The following ITPK1 variants were observed in gnomAD, a reference collection of about 807,000 sequenced individuals.
The protein encoded by ITPK1 is inositol-tetrakisphosphate 1-kinase.
Under a neutral mutation model 45.3 loss-of-function variants are expected in ITPK1, and 21 were observed. The ratio of observed to expected loss-of-function variants is 0.46; its 90% CI spans 0.33 to 0.67. The LOEUF (loss-of-function observed/expected upper bound fraction) is 0.67. Among genes scored for constraint, ITPK1 ranks in the 30% least tolerant of loss-of-function variants. The pLI is 0.02. For missense variants in ITPK1, 474 were observed against 573.5 expected (o/e 0.83, Z 1.77); for synonymous variants, 258 against 253.6 (o/e 1.02, Z -0.16).
At chr14:93,097,188 C>T (rs1425333712) in intron 2 of ITPK1, among the ~76,000 whole-genome samples, 1 of 152,210 alleles carries the variant, frequency 6.6e-6, no homozygotes, top group Non-Finnish European at 1.5e-5. Flanking sequence ...CAGACATGTT[C>T]CCAGGGCTTG....
chr14:93,049,544 G>A (rs1250080588), intron 3 of ITPK1, among the ~76,000 whole-genome samples: 9 of 152,136 alleles, frequency 5.9e-5, no homozygotes, highest in Non-Finnish European at 1.2e-4. Flanking sequence ...CCATTCTCCA[G>A]GGCTTAGACT....
rs76264559 is a variant in ITPK1 at position 93,047,819 on chromosome 14, G to A, written c.120+28776C>T. Among the ~76,000 whole-genome samples the A allele has an allele frequency of 6.6e-5, 10 of 152,358 alleles. No individual in the cohort carries two copies. In the South Asian group the frequency reaches 8.3e-4, roughly 13 times the overall value. ...AGAGCCAGCCAGCACCAGCCAGCCCGACATCTGCTTCCTGCAGGGCTGTTA... is the reference window on the plus strand; with the variant it reads ...AGAGCCAGCCAGCACCAGCCAGCCCAACATCTGCTTCCTGCAGGGCTGTTA... On this transcript the variant is annotated intron_variant, in intron 3 of 10. Coordinates refer to ENST00000267615, the MANE Select transcript of ITPK1 (RefSeq NM_014216.6).
chr14:93,115,845 G>A lies in ITPK1; in HGVS notation c.-216C>T, dbSNP rs1033566195. 1 of 145,338 alleles carries A rather than the reference G, an allele frequency of 6.9e-6. No homozygotes were observed. The highest frequency in any genetic ancestry group is 2.5e-5 in the African/African-American group (1 of 40,346). 9.0% of individuals were successfully genotyped at this position (145,338 alleles called of 1,614,324 possible). A position where few individuals can be genotyped will look rare whatever the true frequency, so the allele number is the denominator to read the frequency against. Reference sequence around the variant, plus strand: ...CCCGCCGAGAAGGGCGGCGGCGAGCGCCCGCGCACTCGCCGCCCCTGCCCG... The same window carrying A: ...CCCGCCGAGAAGGGCGGCGGCGAGCACCCGCGCACTCGCCGCCCCTGCCCG... On this transcript the variant is annotated 5_prime_UTR_variant, in exon 1 of 11. Coordinates refer to ENST00000267615, the MANE Select transcript of ITPK1 (RefSeq NM_014216.6).
At chr14:92,946,220 G>T in intron 10 of ITPK1, 111 bp downstream of exon 10, 1 of 1,278,544 alleles carries the variant, frequency 7.8e-7, no homozygotes, top group Non-Finnish European at 1.1e-6. Flanking sequence ...CGGACCTCGT[G>T]GTGAGGGAGA....
rs771456678 is a variant in ITPK1, at chr14:93,104,584, C to T, written c.95+10485G>A. Among the ~76,000 whole-genome samples the T allele has an allele frequency of 3.9e-5, 6 of 152,184 alleles. No individual in the cohort carries two copies. In the East Asian group the frequency reaches 7.7e-4, roughly 20 times the overall value. On this transcript the variant is annotated intron_variant, in intron 2 of 10. Coordinates refer to ENST00000267615, the MANE Select transcript of ITPK1 (RefSeq NM_014216.6). The stretch of plus-strand genomic sequence containing the variant: ...CAGCATGGTTTCAGGAGTCACCCAT[C>T]CCTGAGGGTGAATCCAAGCTGTGCT...
intron 5 of ITPK1, among the ~76,000 whole-genome samples, chr14:92,985,358 T>C (rs1012019220): frequency 6.6e-6 from 1 of 152,194 alleles, no homozygotes; most frequent in Non-Finnish European, 1.5e-5. Context: ...GTTTAGATAA[T>C]TATGGTCAGA....
intron 10 of ITPK1, among the ~76,000 whole-genome samples, chr14:92,943,146 T>A (rs1887514941): frequency 6.6e-6 from 1 of 152,262 alleles, no homozygotes; most frequent in Non-Finnish European, 1.5e-5. Context: ...GCTGGCACTG[T>A]GCGAGCGTCC....
intron 3 of ITPK1, among the ~76,000 whole-genome samples, chr14:93,020,925 C>T (rs1294154864): frequency 1.3e-5 from 2 of 152,156 alleles, no homozygotes; most frequent in Non-Finnish European, 1.5e-5. Context: ...TCACAATAGT[C>T]TGAGACGGGG....
chr14:93,091,206 T>A (rs1173438448), intron 2 of ITPK1, among the ~76,000 whole-genome samples: 1 of 152,246 alleles, frequency 6.6e-6, no homozygotes, highest in Non-Finnish European at 1.5e-5. Context: ...CAAATACAGA[T>A]ATAATTTCAA....
chr14:92,987,125 A>G (rs1488695297), intron 5 of ITPK1, among the ~76,000 whole-genome samples: 1 of 152,242 alleles, frequency 6.6e-6, no homozygotes, highest in East Asian at 1.9e-4. Flanking sequence ...ACTGTCCTCC[A>G]GGCACATACC....
intron 2 of ITPK1, among the ~76,000 whole-genome samples, chr14:93,111,169 A>G (rs1892737443): frequency 6.6e-6 from 1 of 152,222 alleles, no homozygotes; most frequent in African/African-American, 2.4e-5. Flanking sequence ...TTTTATATGG[A>G]AAGCTTCACC....
At chr14:93,092,047 C>T (rs1566781391) in intron 2 of ITPK1, among the ~76,000 whole-genome samples, 2 of 152,206 alleles carry the variant, frequency 1.3e-5, no homozygotes, top group Non-Finnish European at 1.5e-5. Flanking sequence ...CCTCATTCCC[C>T]ACTTTTTACA....
chr14:93,087,799 G>T (rs1891706774), intron 2 of ITPK1, among the ~76,000 whole-genome samples: 1 of 152,218 alleles, frequency 6.6e-6, no homozygotes, highest in South Asian at 2.1e-4. Context: ...AGGAGTTGAT[G>T]GGGAGGAGCA....
chr14:93,006,028 G>A, intron 4 of ITPK1, among the ~76,000 whole-genome samples: 1 of 152,206 alleles, frequency 6.6e-6, no homozygotes, highest in Non-Finnish European at 1.5e-5. Context: ...CCAGGCCACT[G>A]GAACTGATGG....
chr14:93,110,579 G>T (rs920984193), intron 2 of ITPK1, among the ~76,000 whole-genome samples: 1 of 152,194 alleles, frequency 6.6e-6, no homozygotes, highest in African/African-American at 2.4e-5. Context: ...CGCCTCCCAA[G>T]CCAGTTTACT....
At chr14:92,969,270 T>C (rs1885531674) in intron 5 of ITPK1, among the ~76,000 whole-genome samples, 1 of 150,834 alleles carries the variant, frequency 6.6e-6, no homozygotes, top group Non-Finnish European at 1.5e-5. Flanking sequence ...TCCAGAGAGA[T>C]AAATGAAATG....
intron 2 of ITPK1, among the ~76,000 whole-genome samples, chr14:93,099,609 T>C (rs1208692913): frequency 6.6e-6 from 1 of 152,064 alleles, no homozygotes; most frequent in Non-Finnish European, 1.5e-5. Flanking sequence ...TCTGCCTGTG[T>C]CGGGCTGGCC....
chr14:93,031,922 T>G (rs573259021), intron 3 of ITPK1, among the ~76,000 whole-genome samples: 2 of 152,330 alleles, frequency 1.3e-5, no homozygotes, highest in South Asian at 4.1e-4. Context: ...GGAGGGAAAC[T>G]CTGACTCAAA....
intron 5 of ITPK1, 85 bp downstream of exon 5, chr14:92,993,795 T>G: frequency 1.2e-6 from 1 of 823,472 alleles, no homozygotes; most frequent in Non-Finnish European, 2.1e-6. Flanking sequence ...ACAAGACCCC[T>G]CTGTCTCCAC....
Sources: allele counts gnomAD v4.1 joint callset (sites outside exome capture counted in the v4.1 genomes callset), GRCh38; gene constraint gnomAD v4.1.1; transcripts MANE v1.5; gene names NCBI Gene and HGNC (gene_info 2026-07-23, HGNC 2026-07-21).